HNRNPC: variants seen among roughly 807,000 people sequenced by gnomAD.
The protein encoded by HNRNPC is heterogeneous nuclear ribonucleoprotein C.
Under a neutral mutation model 33.2 loss-of-function variants are expected in HNRNPC, and 3 were observed. The observed-to-expected ratio is 0.09, with a 90% CI of 0.04 to 0.23. The LOEUF (loss-of-function observed/expected upper bound fraction) is 0.23. HNRNPC is among the 10% of genes least tolerant of loss of function. The pLI is 1.00. For missense variants in HNRNPC, 143 were observed against 366.7 expected (o/e 0.39, Z 4.98); for synonymous variants, 121 against 126.7 (o/e 0.96, Z 0.30).
At chr14:21,228,244 T>C (rs1399001863) in intron 5 of HNRNPC, among the ~76,000 whole-genome samples, 2 of 152,238 alleles carry the variant, frequency 1.3e-5, no homozygotes, top group Non-Finnish European at 2.9e-5. Context: ...AATGCTAAGC[T>C]TGTCGGAGTT....
intron 2 of HNRNPC, among the ~76,000 whole-genome samples, chr14:21,254,217 A>G (rs1876721977): frequency 1.3e-5 from 2 of 152,196 alleles, no homozygotes; most frequent in Admixed American, 6.5e-5. Flanking sequence ...TACAAAAGAA[A>G]AAATGGGGAC....
intron 2 of HNRNPC, among the ~76,000 whole-genome samples, chr14:21,251,077 T>G (rs927077824): frequency 6.6e-6 from 1 of 151,598 alleles, no homozygotes; most frequent in Non-Finnish European, 1.5e-5. Context: ...CTGGCTAACA[T>G]GGTGAAACCC....
At chr14:21,227,248 G>A (rs1478595038) in intron 5 of HNRNPC, among the ~76,000 whole-genome samples, 2 of 151,120 alleles carry the variant, frequency 1.3e-5, no homozygotes, top group Non-Finnish European at 2.9e-5. Context: ...CATCTATCAT[G>A]TAAGACACAC....
chr14:21,217,355 G>A (rs4982429), intron 5 of HNRNPC, among the ~76,000 whole-genome samples: 12,076 of 152,054 alleles, frequency 0.079, 564 homozygotes, highest in Non-Finnish European at 0.087. Context: ...CAGTTTACCC[G>A]GATACTATCA....
At chr14:21,242,800 T>C (rs950505255) in intron 2 of HNRNPC, among the ~76,000 whole-genome samples, 1 of 152,210 alleles carries the variant, frequency 6.6e-6, no homozygotes, top group Non-Finnish European at 1.5e-5. Context: ...CCAAGCTATC[T>C]TTCTAGAATC....
chr14:21,247,226 T>C (rs938068121), intron 2 of HNRNPC, among the ~76,000 whole-genome samples: 2 of 152,128 alleles, frequency 1.3e-5, no homozygotes, highest in Non-Finnish European at 2.9e-5. Context: ...TAGCAGTTCG[T>C]ATTTCATCCT....
At chr14:21,227,340 G>C (rs1378496922) in intron 5 of HNRNPC, among the ~76,000 whole-genome samples, 1 of 152,050 alleles carries the variant, frequency 6.6e-6, no homozygotes, top group Non-Finnish European at 1.5e-5. Flanking sequence ...TCCCAACAAA[G>C]ATCTCAGTAC....
intron 2 of HNRNPC, among the ~76,000 whole-genome samples, chr14:21,260,428 A>G (rs1454150960): frequency 1.3e-5 from 2 of 151,588 alleles, no homozygotes; most frequent in East Asian, 3.9e-4. Context: ...ATAAATTTAT[A>G]AATTTAAAGT....
At chr14:21,265,782 A>C (rs547156834) in intron 1 of HNRNPC, among the ~76,000 whole-genome samples, 140 of 152,336 alleles carry the variant, frequency 9.2e-4, no homozygotes, top group Middle Eastern at 3.4e-3. Context: ...TCAAAGAAAA[A>C]AAGTATCCTT....
chr14:21,268,306 A>C (rs1879354531), intron 1 of HNRNPC, among the ~76,000 whole-genome samples: 1 of 152,222 alleles, frequency 6.6e-6, no homozygotes, highest in Non-Finnish European at 1.5e-5. Context: ...TAACGCCAGA[A>C]TATCCCGAAA....
chr14:21,228,260 T>A (rs753451391), intron 5 of HNRNPC, among the ~76,000 whole-genome samples: 1 of 152,252 alleles, frequency 6.6e-6, no homozygotes, highest in Non-Finnish European at 1.5e-5. Flanking sequence ...GAGTTATTTA[T>A]ATCCTACTGC....
At chr14:21,245,100 A>C (rs1428940424) in intron 2 of HNRNPC, among the ~76,000 whole-genome samples, 1 of 151,496 alleles carries the variant, frequency 6.6e-6, no homozygotes, top group African/African-American at 2.4e-5. Flanking sequence ...AAAAAAAAAA[A>C]AAAAAAGCAA....
chr14:21,238,648 T>C (rs938729790), intron 2 of HNRNPC, among the ~76,000 whole-genome samples: 8 of 152,162 alleles, frequency 5.3e-5, no homozygotes, highest in African/African-American at 1.9e-4. Flanking sequence ...TACTCAAATA[T>C]TTTGAGGTCA....
chr14:21,225,475 G>A (rs1893319989), intron 5 of HNRNPC, among the ~76,000 whole-genome samples: 1 of 151,614 alleles, frequency 6.6e-6, no homozygotes, highest in Non-Finnish European at 1.5e-5. Flanking sequence ...GACGACTCAA[G>A]AAAAGAGCTG....
intron 2 of HNRNPC, among the ~76,000 whole-genome samples, chr14:21,251,847 C>A (rs368247330): frequency 6.6e-6 from 1 of 152,064 alleles, no homozygotes; most frequent in African/African-American, 2.4e-5. Context: ...AATCTCACAT[C>A]AGTTAAGATC....
At chr14:21,243,806 G>C (rs928598333) in intron 2 of HNRNPC, among the ~76,000 whole-genome samples, 19 of 152,090 alleles carry the variant, frequency 1.2e-4, no homozygotes, top group African/African-American at 4.1e-4. Flanking sequence ...ATACTTGACA[G>C]CCATTAAACA....
chr14:21,209,350 T>A lies in HNRNPC; in HGVS notation c.*1873A>T, dbSNP rs563947863. The A allele has an allele frequency of 2.6e-5, 4 of 152,208 alleles. No individual in the cohort carries two copies. The highest frequency in any genetic ancestry group is 4.4e-5 in the Non-Finnish European group (3 of 68,036). The allele number at this position is 152,208 out of a possible 1,614,324, so 9.4% of individuals were successfully genotyped here. On this transcript the variant is annotated 3_prime_UTR_variant, in exon 9 of 9. Transcript: ENST00000553300. ...GTAGACACTTGATTGTGGACTAATTTGTTCAGTATTTCCCAAAAACTTACA... is the reference window on the plus strand; with the variant it reads ...GTAGACACTTGATTGTGGACTAATTAGTTCAGTATTTCCCAAAAACTTACA...
intron 2 of HNRNPC, among the ~76,000 whole-genome samples, chr14:21,260,059 G>T (rs1275770189): frequency 1.4e-5 from 2 of 147,216 alleles, no homozygotes; most frequent in Non-Finnish European, 3.0e-5. Flanking sequence ...AATTAGCCGG[G>T]CGTAGTGGCG....
rs535052423 is a variant in HNRNPC, at chr14:21,253,426, T to C, written c.-37+9885A>G. ...GAGGCGGAGCTTGCAGTGAGAGAGA[T>C]CACGCCACTGCACTCCAACCTCTAG... is the stretch of plus-strand genomic sequence containing the variant. On this transcript the variant is annotated intron_variant, in intron 2 of 8. Coordinates refer to ENST00000553300, the MANE Select transcript of HNRNPC (RefSeq NM_004500.4). Among the ~76,000 whole-genome samples, 8 of 118,274 alleles carry C rather than the reference T, an allele frequency of 6.8e-5. No individual in the cohort carries two copies. In the East Asian group the frequency reaches 1.5e-3, roughly 22 times the overall value. The allele number at this position is 118,274 out of a possible 152,430, so 77.6% of individuals were successfully genotyped here. A position where few individuals can be genotyped will look rare whatever the true frequency, so the allele number is the denominator to read the frequency against.
Sources: allele counts gnomAD v4.1 joint callset (sites outside exome capture counted in the v4.1 genomes callset), GRCh38; gene constraint gnomAD v4.1.1; transcripts MANE v1.5; gene names NCBI Gene and HGNC (gene_info 2026-07-23, HGNC 2026-07-21).